Variants in RRM2 observed in about 807,000 individuals in gnomAD.
RRM2 encodes the protein ribonucleotide reductase regulatory subunit M2, also known as ribonucleoside-diphosphate reductase subunit M2.
Under a neutral mutation model 45.9 loss-of-function variants are expected in RRM2, and 6 were observed. The ratio of observed to expected loss-of-function variants is 0.13; its 90% CI spans 0.07 to 0.26. The LOEUF is 0.26. RRM2 is among the 10% of genes least tolerant of loss of function. RRM2 has a pLI of 1.00. For synonymous variants in RRM2, 177 were observed against 173.0 expected, an observed-to-expected ratio of 1.02 and a Z score of -0.18; for missense variants, 343 against 489.5, an observed-to-expected ratio of 0.70 and a Z score of 2.82.
At position 10,169,764 on chromosome 2, in the gene RRM2, C is replaced by T. The variant is rs139431794; in HGVS notation, n.482+27389C>T. ...GCCTCCGCACTGGGCTTCCTGAGGACGGGAGCAGGAGCAGGAGGCTGAGGC... is the reference window on the plus strand; with the variant it reads ...GCCTCCGCACTGGGCTTCCTGAGGATGGGAGCAGGAGCAGGAGGCTGAGGC... On this transcript the variant is annotated intron_variant and non_coding_transcript_variant, in intron 3 of 3. Transcript: ENST00000381786. The surrounding 1 kb of genome is among the most constrained non-coding windows in gnomAD (Gnocchi z 5.1). Among the ~76,000 whole-genome samples, 1,276 of 152,228 alleles carry T rather than the reference C, an allele frequency of 8.4e-3. 15 individuals are homozygous for T. The highest frequency in any genetic ancestry group is 0.013 in the Non-Finnish European group (854 of 68,014).
rs532030581 is a variant in RRM2, at chr2:10,131,317, C to A, written c.*1931C>A. On this transcript the variant is annotated 3_prime_UTR_variant, in exon 10 of 10. Transcript: ENST00000304567. ...GAGGATTAACTTCTGCCAGCTCAGA[C>A]CATTTCCTAATCAGTTGAAAGGGAA... 6.6e-6 allele frequency: 1 copy of A among 152,272 alleles called. No homozygotes were observed. Among genetic ancestry groups the A allele is most frequent in the African/African-American group, 2.4e-5 (1 of 41,542 alleles). 9.4% of individuals were successfully genotyped at this position (152,272 alleles called of 1,614,324 possible). A position where few individuals can be genotyped will look rare whatever the true frequency, so the allele number is the denominator to read the frequency against.
intron 3 of RRM2, among the ~76,000 whole-genome samples, chr2:10,191,563 G>A (rs1453422329): frequency 2.6e-5 from 4 of 152,100 alleles, no homozygotes; most frequent in South Asian, 2.1e-4. Flanking sequence ...AGGAGGTACC[G>A]CTGCCCACAA....
At chr2:10,179,271 C>G (rs1663995428) in intron 3 of RRM2, among the ~76,000 whole-genome samples, 4 of 152,150 alleles carry the variant, frequency 2.6e-5, no homozygotes, top group Admixed American at 2.0e-4. Context: ...CATGCCTCAG[C>G]CTCCCAAGTA....
chr2:10,210,584 C>G (rs1340645720), exon 4 of RRM2: 1 of 1,365,740 alleles, frequency 7.3e-7, no homozygotes, highest in Admixed American at 1.9e-5. Flanking sequence ...CTCAGACCCC[C>G]CAGGGCCCCA....
chr2:10,209,591 G>A (rs2125336464), intron 3 of RRM2, among the ~76,000 whole-genome samples: 1 of 136,680 alleles, frequency 7.3e-6, no homozygotes, highest in South Asian at 2.6e-4. Flanking sequence ...GTGTGTGTGT[G>A]CGCGCGCGTG....
chr2:10,148,143 CAA>C (rs374826185), intron 3 of RRM2, among the ~76,000 whole-genome samples: 125 of 119,458 alleles, frequency 1.0e-3, no homozygotes, highest in African/African-American at 3.2e-3. Context: ...GACCCTGACT[CAA>C]AAAAAAAAAA....
At chr2:10,150,129 G>C (rs10209383) in intron 3 of RRM2, among the ~76,000 whole-genome samples, 96,412 of 151,796 alleles carry the variant, frequency 0.64, 31,154 homozygotes, top group African/African-American at 0.7. Flanking sequence ...GTCTGGCCAA[G>C]AAGGTGAAAC....
Position 10,129,033 on chromosome 2 carries a change from G to T in RRM2, c.904-8G>T. The T allele has an allele frequency of 6.2e-7, 1 of 1,613,514 alleles. No individual in the cohort carries two copies. The highest frequency in any genetic ancestry group is 8.5e-7 in the Non-Finnish European group (1 of 1,179,488). ...AGTTGTATTCAGAAGCTGTATTTTG[G>T]TTCCTAGGAGTTCCTCACTGAGGCC... is the stretch of plus-strand genomic sequence containing the variant. On this transcript the variant is annotated splice_polypyrimidine_tract_variant and splice_region_variant and intron_variant, in intron 8 of 9. Coordinates refer to ENST00000304567, the MANE Select transcript of RRM2 (RefSeq NM_001034.4). This position sits in a 1 kb window ranked among gnomAD's most constrained non-coding sequence, Gnocchi z 4.8.
intron 3 of RRM2, among the ~76,000 whole-genome samples, chr2:10,147,337 C>T (rs1663210435): frequency 6.6e-6 from 1 of 152,100 alleles, no homozygotes. Context: ...GGCAGGAGTG[C>T]AGTGGCACAG....
At chr2:10,159,698 C>G (rs1036401771) in intron 3 of RRM2, among the ~76,000 whole-genome samples, 6 of 152,238 alleles carry the variant, frequency 3.9e-5, no homozygotes, top group African/African-American at 1.4e-4. Context: ...TTATTGGCCG[C>G]TGTATTGTGT....
chr2:10,147,544 G>A (rs905639923), intron 3 of RRM2, among the ~76,000 whole-genome samples: 2 of 152,250 alleles, frequency 1.3e-5, no homozygotes, highest in East Asian at 1.9e-4. Context: ...GATTACAGGC[G>A]TGAGCCACCA....
At chr2:10,142,834 C>G (rs1382019263) in intron 3 of RRM2, among the ~76,000 whole-genome samples, 1 of 152,232 alleles carries the variant, frequency 6.6e-6, no homozygotes, top group East Asian at 1.9e-4. Flanking sequence ...CCCCGCTCAC[C>G]TCTGCCTTGA....
rs1300700424 is a variant in RRM2 at position 10,195,273 on chromosome 2, G to A, written n.483-15038G>A. ...AGTGAGGCAGCCTCTCTGCAGAGGA[G>A]GGGCTTCACAGAGGAGGCAGCGGCT... On this transcript the variant is annotated intron_variant and non_coding_transcript_variant, in intron 3 of 3. Transcript: ENST00000381786. This position sits in a 1 kb window ranked among gnomAD's most constrained non-coding sequence, Gnocchi z 4.9. 6.6e-6 allele frequency among the ~76,000 whole-genome samples: 1 copy of A among 152,200 alleles called. No homozygotes were observed. The highest frequency in any genetic ancestry group is 1.5e-5 in the Non-Finnish European group (1 of 68,038).
upstream of RRM2, among the ~76,000 whole-genome samples, chr2:10,137,245 C>A (rs1171545989): frequency 6.6e-6 from 1 of 152,182 alleles, no homozygotes; most frequent in Non-Finnish European, 1.5e-5. Context: ...AGTGGGTGAC[C>A]AGAACTTGCA....
intron 5 of RRM2, 55 bp from the exon 6 acceptor site, chr2:10,126,820 A>C: frequency 7.4e-7 from 1 of 1,350,952 alleles, no homozygotes; most frequent in Non-Finnish European, 1.0e-6. Flanking sequence ...GCAGTTGGTA[A>C]TCGGAGGTCT....
Position 10,127,816 on chromosome 2 carries a change from A to G in RRM2, c.798+596A>G, listed in dbSNP as rs1662814277. Among the ~76,000 whole-genome samples, 1 of 151,876 alleles carries G rather than the reference A, an allele frequency of 6.6e-6. No individual in the cohort carries two copies. The highest frequency in any genetic ancestry group is 2.4e-5 in the African/African-American group (1 of 41,362). ...AGTTATTGATGGGATTGGGATTTTA[A>G]GGGATGTTTTATTATTTTTGCCTGG... On this transcript the variant is annotated intron_variant, in intron 7 of 9. Transcript: ENST00000304567. The surrounding 1 kb of genome is among the most constrained non-coding windows in gnomAD (Gnocchi z 4.1).
At chr2:10,175,007 C>T (rs1451223930) in intron 3 of RRM2, among the ~76,000 whole-genome samples, 2 of 152,220 alleles carry the variant, frequency 1.3e-5, no homozygotes, top group South Asian at 4.1e-4. Flanking sequence ...CAGAAAGTCC[C>T]TGCTAACATG....
intron 3 of RRM2, chr2:10,210,261 G>A (rs752925806): frequency 7.9e-7 from 1 of 1,268,496 alleles, no homozygotes; most frequent in Non-Finnish European, 1.1e-6. Context: ...GGGGGCATGG[G>A]TTGGATGATC....
chr2:10,193,889 G>T lies in RRM2; in HGVS notation n.483-16422G>T, dbSNP rs150619143. 1.1e-4 allele frequency among the ~76,000 whole-genome samples: 17 copies of T among 152,310 alleles called. No homozygotes were observed. In the East Asian group the frequency reaches 3.3e-3, roughly 29 times the overall value. On this transcript the variant is annotated intron_variant and non_coding_transcript_variant, in intron 3 of 3. Coordinates refer to the RRM2 transcript ENST00000381786. ...AAACGACCAGCAAGAAAGACAGTTT[G>T]GATTAATTGGCACAGGGAGGTCCCT...
Sources: allele counts gnomAD v4.1 joint callset (sites outside exome capture counted in the v4.1 genomes callset), GRCh38; gene constraint gnomAD v4.1.1; non-coding constraint Gnocchi (gnomAD v3.1); transcripts MANE v1.5; gene names NCBI Gene and HGNC (gene_info 2026-07-23, HGNC 2026-07-21).